WDPCP: variants seen among roughly 807,000 people sequenced by gnomAD.
WDPCP encodes the protein WD repeat-containing and planar cell polarity effector protein fritz homolog.
In WDPCP, 71 loss-of-function variants were observed where a neutral mutation model predicts 93.1. The observed-to-expected ratio is 0.76, with a 90% CI of 0.63 to 0.93. The LOEUF (loss-of-function observed/expected upper bound fraction) is 0.93, where lower values mean the gene tolerates loss of function less well. Among genes scored for constraint, WDPCP ranks in the 40% least tolerant of loss-of-function variants. The pLI, the probability that WDPCP is intolerant of heterozygous loss-of-function variation, is 0.00. For missense variants in WDPCP, 844 were observed against 887.4 expected (o/e 0.95, Z 0.62); for synonymous variants, 315 against 315.0 (o/e 1.00, Z 0.00).
intron 2 of WDPCP, among the ~76,000 whole-genome samples, chr2:63,782,587 G>A (rs2103977378): frequency 1.3e-5 from 2 of 152,238 alleles, no homozygotes; most frequent in South Asian, 4.2e-4. Flanking sequence ...AATCATTAGA[G>A]AAATGCAAAT....
At chr2:63,123,789 A>G (rs1438029069) in intron 17 of WDPCP, among the ~76,000 whole-genome samples, 1 of 151,894 alleles carries the variant, frequency 6.6e-6, no homozygotes, top group Non-Finnish European at 1.5e-5. Context: ...GTTATACAAA[A>G]CTAAAGTTAA....
chr2:63,251,045 C>T (rs1174946246), intron 14 of WDPCP, among the ~76,000 whole-genome samples: 1 of 152,096 alleles, frequency 6.6e-6, no homozygotes, highest in African/African-American at 2.4e-5. Flanking sequence ...AACAATCTAA[C>T]ATCACACCTA....
rs574852355 is a variant in WDPCP at position 63,311,587 on chromosome 2, A to G, written c.1812+1661T>C. Among the ~76,000 whole-genome samples, 53 of 152,268 alleles carry G rather than the reference A, an allele frequency of 3.5e-4. 1 individual carries two copies. In the South Asian group the frequency reaches 0.011, roughly 31 times the overall value. On this transcript the variant is annotated intron_variant, in intron 13 of 17. Transcript: ENST00000272321. ...TAAAAAGGACAGTAAAACCACTTCT[A>G]TACTTCCCTTATTTTAGATTTTCAT...
rs1320383638 is a variant in WDPCP at position 63,217,135 on chromosome 2, C to T, written c.1915+42172G>A. Among the ~76,000 whole-genome samples the T allele has an allele frequency of 2.6e-5, 4 of 152,186 alleles. No homozygotes were observed. In the East Asian group the frequency reaches 7.7e-4, roughly 29 times the overall value. On this transcript the variant is annotated intron_variant, in intron 14 of 17. Coordinates refer to ENST00000272321, the MANE Select transcript of WDPCP (RefSeq NM_015910.7). Reference sequence around the variant, plus strand: ...AAAATCCAGGCTGATGCCTGTTAGTCTTTAACTTTTGAGGTAAGAATGGTT... The same window carrying T: ...AAAATCCAGGCTGATGCCTGTTAGTTTTTAACTTTTGAGGTAAGAATGGTT...
chr2:63,757,561 G>T (rs900959289), intron 2 of WDPCP, among the ~76,000 whole-genome samples: 4 of 152,162 alleles, frequency 2.6e-5, no homozygotes, highest in Non-Finnish European at 5.9e-5. Flanking sequence ...AAGGGAATGG[G>T]TGGGTATATT....
At chr2:63,537,703 T>G (rs1704401327) in intron 1 of WDPCP, among the ~76,000 whole-genome samples, 1 of 152,148 alleles carries the variant, frequency 6.6e-6, no homozygotes, top group Non-Finnish European at 1.5e-5. Context: ...GCCAAAACTT[T>G]CTCCAGGGAG....
chr2:63,702,704 A>ATT (rs543105188), intron 2 of WDPCP, among the ~76,000 whole-genome samples: 1 of 139,422 alleles, frequency 7.2e-6, no homozygotes. Flanking sequence ...CATCCAGCTA[A>ATT]TTTTTTTTTT....
chr2:63,571,768 A>G (rs571857722), intron 1 of WDPCP: 223 of 382,812 alleles, frequency 5.8e-4, no homozygotes, highest in South Asian at 8.9e-4. Context: ...ATGCTTCAAC[A>G]TGATATATTC....
At chr2:63,709,015 G>A (rs1669218047) in intron 2 of WDPCP, among the ~76,000 whole-genome samples, 1 of 128,152 alleles carries the variant, frequency 7.8e-6, no homozygotes, top group African/African-American at 2.9e-5. Flanking sequence ...GAGGTCAGGA[G>A]TTCAAGACCA....
intron 2 of WDPCP, among the ~76,000 whole-genome samples, chr2:63,769,402 G>A (rs1485506009): frequency 6.6e-6 from 1 of 151,906 alleles, no homozygotes; most frequent in Non-Finnish European, 1.5e-5. Flanking sequence ...AGTTTATATG[G>A]AGTATAGTTT....
At chr2:63,183,255 G>A (rs775268351) in intron 14 of WDPCP, among the ~76,000 whole-genome samples, 2 of 151,836 alleles carry the variant, frequency 1.3e-5, no homozygotes, top group Non-Finnish European at 2.9e-5. Flanking sequence ...TTCTTTGGCT[G>A]TAAGCATTTA....
chr2:63,760,075 A>G (rs751462580), intron 2 of WDPCP, among the ~76,000 whole-genome samples: 38 of 152,242 alleles, frequency 2.5e-4, no homozygotes, highest in Non-Finnish European at 4.3e-4. Context: ...GGTGGGAGGC[A>G]GGACTGTGAA....
At chr2:63,659,976 T>A (rs1710208558) in intron 2 of WDPCP, among the ~76,000 whole-genome samples, 1 of 152,212 alleles carries the variant, frequency 6.6e-6, no homozygotes, top group Non-Finnish European at 1.5e-5. Context: ...AATTTGGCTT[T>A]TAAATAATAT....
Position 63,153,573 on chromosome 2 carries a change from G to C in WDPCP, c.2080C>G (p.Gln694Glu). 1 of 1,611,374 alleles carries C rather than the reference G, an allele frequency of 6.2e-7. No homozygotes were observed. The highest frequency in any genetic ancestry group is 8.5e-7 in the Non-Finnish European group (1 of 1,178,502). ...AGTTCATTCCTTCTGTCAATTATTT[G>C]TCTGCAGTATATGGGTGTTTTTAAT... ...QRILNGSSNR[Q>E]IIDRRNELEK... Residue 694 changes from glutamine to glutamate, a missense_variant and splice_region_variant, in exon 16 of 18, where the codon CAA (glutamine) becomes GAA (glutamate). Coordinates refer to ENST00000272321, the MANE Select transcript of WDPCP (RefSeq NM_015910.7).
At chr2:63,594,313 A>C in intron 3 of WDPCP, 3 of 718,530 alleles carry the variant, frequency 4.2e-6, no homozygotes, top group Non-Finnish European at 7.7e-6. Flanking sequence ...GTGAGAGTTA[A>C]ATAACACCAC....
Position 63,437,506 on chromosome 2 carries a change from T to C in WDPCP, c.548A>G (p.Lys183Arg). 1 of 1,598,940 alleles carries C rather than the reference T, an allele frequency of 6.3e-7. No homozygotes were observed. The change falls in exon 8 of 18, where the codon AAA becomes AGA. Residue 183 changes from lysine to arginine, a missense_variant. Transcript: ENST00000272321. ...CTTGGTAAACTGAATAAAACATAGT[T>C]TGTTTTGTGCCAAAAATGATAAGAT... ...FIILSFLAQN[K>R]LCFIQFTKKM...
chr2:63,714,947 A>G (rs951005544), intron 2 of WDPCP, among the ~76,000 whole-genome samples: 9 of 152,258 alleles, frequency 5.9e-5, no homozygotes, highest in African/African-American at 2.2e-4. Context: ...GAATAAACCA[A>G]TTGTGATATA....
At chr2:63,783,628 A>G (rs1670428774) in intron 2 of WDPCP, among the ~76,000 whole-genome samples, 2 of 152,206 alleles carry the variant, frequency 1.3e-5, no homozygotes, top group African/African-American at 2.4e-5. Context: ...GCAGCTATAT[A>G]GATAGAACTG....
At chr2:63,271,125 T>G (rs1336303747) in intron 13 of WDPCP, among the ~76,000 whole-genome samples, 1 of 152,170 alleles carries the variant, frequency 6.6e-6, no homozygotes, top group African/African-American at 2.4e-5. Context: ...GGCAGTGATG[T>G]GTACTGGGGA....
Sources: gnomAD v4.1 joint callset for allele counts (sites outside exome capture counted in the v4.1 genomes callset) on GRCh38, gnomAD v4.1.1 for gene constraint, MANE v1.5 for transcripts, NCBI Gene and HGNC (gene_info 2026-07-23, HGNC 2026-07-21) for gene names.